The following TGFBR3 variants were observed in gnomAD, a reference collection of about 807,000 sequenced individuals.
The protein encoded by TGFBR3 is transforming growth factor beta receptor 3, also known as transforming growth factor beta receptor type 3.
Under a neutral mutation model 87.9 loss-of-function variants are expected in TGFBR3, and 46 were observed. That is an observed-to-expected ratio of 0.52 (90% CI 0.41 to 0.67). The LOEUF is 0.67. Ranked by LOEUF, TGFBR3 falls within the 30% of genes least tolerant of loss-of-function variation. The pLI, the probability that TGFBR3 is intolerant of heterozygous loss-of-function variation, is 0.00. For synonymous variants in TGFBR3, 381 were observed against 391.6 expected, an observed-to-expected ratio of 0.97 and a Z score of 0.32; for missense variants, 866 against 1,041.9, an observed-to-expected ratio of 0.83 and a Z score of 2.32.
chr1:91,736,816 T>G (rs1245196629), intron 4 of TGFBR3, among the ~76,000 whole-genome samples: 1 of 152,210 alleles, frequency 6.6e-6, no homozygotes, highest in African/African-American at 2.4e-5. Flanking sequence ...TTCTGAATGT[T>G]TAGACGAGAA....
At chr1:91,878,611 C>T (rs1678950299) in intron 1 of TGFBR3, among the ~76,000 whole-genome samples, 1 of 152,208 alleles carries the variant, frequency 6.6e-6, no homozygotes, top group South Asian at 2.1e-4. Context: ...GCTTGTGAAA[C>T]TGCAGACCTT....
chr1:91,714,635 C>G (rs896333359), intron 12 of TGFBR3, among the ~76,000 whole-genome samples: 3 of 151,962 alleles, frequency 2.0e-5, no homozygotes, highest in African/African-American at 7.3e-5. Context: ...GGGTAAGGTA[C>G]AGGAGGAAGA....
intron 2 of TGFBR3, among the ~76,000 whole-genome samples, chr1:91,827,066 T>C (rs1390116342): frequency 6.6e-6 from 1 of 152,196 alleles, no homozygotes; most frequent in Non-Finnish European, 1.5e-5. Flanking sequence ...GACCACATTT[T>C]ACTGAGGAAA....
chr1:91,787,976 G>A (rs780380402), intron 3 of TGFBR3, among the ~76,000 whole-genome samples: 8 of 147,538 alleles, frequency 5.4e-5, no homozygotes, highest in Non-Finnish European at 1.0e-4. Flanking sequence ...GAAAGAGTGA[G>A]CAGCTGAGAA....
At chr1:91,774,489 G>A (rs1027606908) in intron 3 of TGFBR3, among the ~76,000 whole-genome samples, 4 of 151,900 alleles carry the variant, frequency 2.6e-5, no homozygotes, top group Admixed American at 6.6e-5. Flanking sequence ...AGATGAGCAG[G>A]TTTTTTTTAT....
At chr1:91,691,973 G>A (rs777740865) in intron 16 of TGFBR3, among the ~76,000 whole-genome samples, 2 of 152,050 alleles carry the variant, frequency 1.3e-5, no homozygotes, top group South Asian at 2.1e-4. Flanking sequence ...ACTCCAGCCC[G>A]GGTGACAGAG....
chr1:91,794,339 G>A (rs112228069), intron 3 of TGFBR3, among the ~76,000 whole-genome samples: 6 of 151,888 alleles, frequency 4.0e-5, no homozygotes, highest in East Asian at 3.9e-4. Flanking sequence ...AAGTAGCTAC[G>A]ACTACAGGCA....
intron 2 of TGFBR3, among the ~76,000 whole-genome samples, chr1:91,853,009 A>C (rs1287047342): frequency 6.6e-6 from 1 of 151,452 alleles, no homozygotes; most frequent in African/African-American, 2.4e-5. Context: ...AAACACAAAA[A>C]TTAGCCAGGC....
At chr1:91,750,313 C>G (rs887621267) in intron 4 of TGFBR3, among the ~76,000 whole-genome samples, 6 of 152,208 alleles carry the variant, frequency 3.9e-5, no homozygotes, top group Admixed American at 3.9e-4. Context: ...CTTTCAAAAA[C>G]CCCTTCTGGA....
intron 7 of TGFBR3, among the ~76,000 whole-genome samples, chr1:91,727,006 A>G (rs1211809662): frequency 1.3e-5 from 2 of 152,334 alleles, no homozygotes; most frequent in East Asian, 3.9e-4. Context: ...CCATCATGCC[A>G]ATGGGCTAAG....
intron 14 of TGFBR3, among the ~76,000 whole-genome samples, chr1:91,699,176 A>G (rs899154541): frequency 1.3e-5 from 2 of 152,026 alleles, no homozygotes; most frequent in African/African-American, 4.8e-5. Context: ...TGGGCTCCCC[A>G]TACTTAGTAA....
intron 14 of TGFBR3, 105 bp downstream of exon 14, chr1:91,708,558 C>T (rs1671877700): frequency 1.9e-6 from 3 of 1,570,544 alleles, no homozygotes; most frequent in Admixed American, 1.7e-5. Context: ...CTAACTGGCC[C>T]TTTAGTTATC....
intron 14 of TGFBR3, among the ~76,000 whole-genome samples, chr1:91,702,717 T>C (rs1350184691): frequency 6.6e-6 from 1 of 151,974 alleles, no homozygotes; most frequent in East Asian, 1.9e-4. Flanking sequence ...TTTTTGTATA[T>C]ATTTGAAATT....
At chr1:91,695,529 A>G in intron 16 of TGFBR3, 143 bp downstream of exon 16, 1 of 798,660 alleles carries the variant, frequency 1.3e-6, no homozygotes, top group Non-Finnish European at 2.1e-6. Context: ...GTGAAACCCA[A>G]TTTATACCAA....
At chr1:91,839,684 T>G (rs970508569) in intron 2 of TGFBR3, among the ~76,000 whole-genome samples, 1 of 152,170 alleles carries the variant, frequency 6.6e-6, no homozygotes, top group East Asian at 1.9e-4. Flanking sequence ...TCTCCAGTAG[T>G]TCCCAAAGCG....
rs78893665 is a variant in TGFBR3, at chr1:91,708,826, A to G, written c.2167-43T>C. 225 of 1,609,974 alleles carry G rather than the reference A, an allele frequency of 1.4e-4. 1 individual carries two copies. In the East Asian group the frequency reaches 4.5e-3, roughly 32 times the overall value. ...AAAGCACAGAATCAGGGGCCACTCA[A>G]AAGTGCCTTCACCAGCTCTACCTGC... On this transcript the variant is annotated intron_variant, in intron 13 of 16. Coordinates refer to ENST00000212355, the MANE Select transcript of TGFBR3 (RefSeq NM_003243.5).
chr1:91,833,104 G>A (rs1275155861), intron 2 of TGFBR3, among the ~76,000 whole-genome samples: 1 of 151,056 alleles, frequency 6.6e-6, no homozygotes, highest in Admixed American at 6.6e-5. Flanking sequence ...AGACTGACCT[G>A]GCCAACATAG....
chr1:91,807,663 G>C (rs1373313863), intron 2 of TGFBR3, among the ~76,000 whole-genome samples: 2 of 152,198 alleles, frequency 1.3e-5, no homozygotes, highest in Non-Finnish European at 2.9e-5. Flanking sequence ...ATACAATCTG[G>C]ACGTGCCAAC....
At chr1:91,861,335 G>T in intron 2 of TGFBR3, 136 bp downstream of exon 2, 1 of 716,342 alleles carries the variant, frequency 1.4e-6, no homozygotes, top group Non-Finnish European at 2.5e-6. Context: ...AGGAGGTAGA[G>T]CCTACAGTAA....
Sources: allele counts gnomAD v4.1 joint callset (sites outside exome capture counted in the v4.1 genomes callset), GRCh38; gene constraint gnomAD v4.1.1; transcripts MANE v1.5; gene names NCBI Gene and HGNC (gene_info 2026-07-23, HGNC 2026-07-21).